ROCK1: variants seen among roughly 807,000 people sequenced by gnomAD.
ROCK1 encodes the protein rho-associated protein kinase 1.
Under a neutral mutation model 196.8 loss-of-function variants are expected in ROCK1, and 36 were observed. The ratio of observed to expected loss-of-function variants is 0.18; its 90% CI spans 0.14 to 0.24. The LOEUF (loss-of-function observed/expected upper bound fraction) is 0.24. Ranked by LOEUF, ROCK1 falls within the 10% of genes least tolerant of loss-of-function variation. ROCK1 has a pLI of 1.00. For synonymous variants in ROCK1, 443 were observed against 515.9 expected (o/e 0.86, Z 1.91); for missense variants, 920 against 1,562.0 (o/e 0.59, Z 6.93).
Position 20,966,918 on chromosome 18 carries a change from TG to T in ROCK1, c.3350del (p.Pro1117GlnfsTer29), listed in dbSNP as rs2143353413. On this transcript the variant is annotated frameshift_variant and splice_region_variant, in exon 27 of 33. Coordinates refer to ENST00000399799, the MANE Select transcript of ROCK1 (RefSeq NM_005406.3). LOFTEE classifies it high-confidence loss of function. ...PSADETDGNL[P>X]ESRIEGWLSV... ...TGAATGATACAGAATTATTCTTACC[TG>T]GGAGGTTACCATCAGTTTCATCAGC... 6.2e-7 allele frequency: 1 copy of T among 1,607,630 alleles called. No homozygotes were observed. The highest frequency in any genetic ancestry group is 8.5e-7 in the Non-Finnish European group (1 of 1,175,152).
chr18:21,087,529 T>C (rs935198459), intron 1 of ROCK1, among the ~76,000 whole-genome samples: 6 of 152,068 alleles, frequency 3.9e-5, no homozygotes, highest in African/African-American at 7.2e-5. Flanking sequence ...TGTGGCTATA[T>C]TAGTGTCAGA....
chr18:21,061,467 A>G (rs1319996591), intron 2 of ROCK1, among the ~76,000 whole-genome samples: 2 of 152,246 alleles, frequency 1.3e-5, no homozygotes, highest in Non-Finnish European at 2.9e-5. Context: ...TGGAAAAGGT[A>G]AAACTATAGG....
chr18:21,012,711 G>A lies in ROCK1; in HGVS notation c.1410+2720C>T, dbSNP rs548911576. On this transcript the variant is annotated intron_variant, in intron 13 of 32. Coordinates refer to ENST00000399799, the MANE Select transcript of ROCK1 (RefSeq NM_005406.3). ...TGTCAAATTTGTTGAATTTTCTGTC[G>A]TCATTTCTTCCCACGCCCTTTCTCC... 4.6e-5 allele frequency among the ~76,000 whole-genome samples: 7 copies of A among 152,170 alleles called. No homozygotes were observed. In the South Asian group the frequency reaches 6.2e-4, roughly 14 times the overall value.
At chr18:21,061,012 A>T (rs2036285195) in intron 2 of ROCK1, among the ~76,000 whole-genome samples, 1 of 152,040 alleles carries the variant, frequency 6.6e-6, no homozygotes, top group Non-Finnish European at 1.5e-5. Context: ...TCTGCAATTT[A>T]GGGGAAAAAA....
At chr18:21,023,549 T>A in intron 11 of ROCK1, 71 bp downstream of exon 11, 1 of 802,354 alleles carries the variant, frequency 1.2e-6, no homozygotes, top group South Asian at 2.1e-5. Flanking sequence ...AAATTTACTA[T>A]CATACCCACA....
intron 12 of ROCK1, among the ~76,000 whole-genome samples, chr18:21,017,128 GTATTCCTGA>G (rs1253336208): frequency 2.0e-5 from 3 of 147,812 alleles, no homozygotes; most frequent in African/African-American, 7.5e-5. Context: ...ATCTCCTGAT[GTATTCCTGA>G]TATTCCTGTA....
At chr18:21,050,962 A>G (rs537655561) in intron 2 of ROCK1, among the ~76,000 whole-genome samples, 1 of 152,210 alleles carries the variant, frequency 6.6e-6, no homozygotes, top group African/African-American at 2.4e-5. Flanking sequence ...AAACTCTAGC[A>G]AATAAAACAG....
chr18:20,957,876 G>C (rs1205546217), intron 29 of ROCK1, among the ~76,000 whole-genome samples: 2 of 151,626 alleles, frequency 1.3e-5, no homozygotes, highest in African/African-American at 4.8e-5. Flanking sequence ...GTCTCAAATT[G>C]AACTCAGGCC....
At chr18:21,010,127 G>T (rs1346682994) in intron 13 of ROCK1, among the ~76,000 whole-genome samples, 1 of 151,920 alleles carries the variant, frequency 6.6e-6, no homozygotes, top group Non-Finnish European at 1.5e-5. Flanking sequence ...TGTTAATTTT[G>T]TTGATCTTTT....
chr18:21,095,441 GATATGGAAGCAACCTA>G (rs2036605384), intron 1 of ROCK1, among the ~76,000 whole-genome samples: 1 of 152,016 alleles, frequency 6.6e-6, no homozygotes, highest in African/African-American at 2.4e-5. Flanking sequence ...CAACACCCAA[GATATGGAAGCAACCTA>G]AGTGTCCATG....
At chr18:21,065,231 T>C (rs996196433) in intron 2 of ROCK1, among the ~76,000 whole-genome samples, 4 of 152,218 alleles carry the variant, frequency 2.6e-5, no homozygotes, top group Admixed American at 6.5e-5. Flanking sequence ...TTCTCAGTAA[T>C]TGTACTAGTG....
At position 21,033,976 on chromosome 18, in the gene ROCK1, G is replaced by A. The variant is rs148942711; in HGVS notation, c.1052-5041C>T. Among the ~76,000 whole-genome samples the A allele has an allele frequency of 2.4e-3, 343 of 145,848 alleles. 2 individuals are homozygous for A. The highest frequency in any genetic ancestry group is 8.3e-3 in the African/African-American group (326 of 39,312). On this transcript the variant is annotated intron_variant, in intron 9 of 32. Coordinates refer to ENST00000399799, the MANE Select transcript of ROCK1 (RefSeq NM_005406.3). ...ATGAACCCTGGAGGCGGAGCTTGCC[G>A]TGAGCCGAGATCGAGCCACTGTACT...
intron 2 of ROCK1, among the ~76,000 whole-genome samples, chr18:21,067,525 T>G (rs553752213): frequency 5.9e-5 from 9 of 152,050 alleles, no homozygotes; most frequent in Non-Finnish European, 4.4e-5. Context: ...GTAGCTGGGA[T>G]TACAGGTGTC....
chr18:21,051,482 T>C (rs1016163432), intron 2 of ROCK1, among the ~76,000 whole-genome samples: 18 of 151,900 alleles, frequency 1.2e-4, no homozygotes, highest in Admixed American at 7.9e-4. Context: ...GTGAACAATA[T>C]AAGCAGACAA....
chr18:21,019,898 A>T (rs76822516), intron 12 of ROCK1, among the ~76,000 whole-genome samples: 1 of 139,008 alleles, frequency 7.2e-6, no homozygotes. Flanking sequence ...TTCATGAATT[A>T]AAAAAAAAAA....
rs1214797226 is a variant in ROCK1, at chr18:21,049,377, AT to A, written c.277-149del. The A allele has an allele frequency of 9.2e-6, 6 of 654,274 alleles. No individual in the cohort carries two copies. The South Asian group carries it at 2.0e-4, about 21-fold the overall frequency. 40.5% of individuals were successfully genotyped at this position (654,274 alleles called of 1,614,324 possible). On this transcript the variant is annotated intron_variant, in intron 3 of 32. Transcript: ENST00000399799. ...ATTTTTATTTCTTCTCTTCTGCCAA[AT>A]TATTCCAAGTAGCTAATGTCAAGAC...
intron 27 of ROCK1, among the ~76,000 whole-genome samples, chr18:20,963,900 A>G (rs1201756192): frequency 3.3e-5 from 5 of 152,178 alleles, no homozygotes; most frequent in African/African-American, 9.6e-5. Flanking sequence ...AAGAACTTCA[A>G]AGAGTTATAA....
At chr18:21,051,047 A>G (rs997128726) in intron 2 of ROCK1, among the ~76,000 whole-genome samples, 1 of 152,232 alleles carries the variant, frequency 6.6e-6, no homozygotes. Flanking sequence ...GAGGACACCT[A>G]ACTAAAGCCT....
intron 2 of ROCK1, among the ~76,000 whole-genome samples, chr18:21,053,551 T>C (rs2036222275): frequency 6.6e-6 from 1 of 152,198 alleles, no homozygotes; most frequent in Admixed American, 6.5e-5. Flanking sequence ...AGGACAACAT[T>C]TGGGCTGGGC....
Sources: gnomAD v4.1 joint callset for allele counts (sites outside exome capture counted in the v4.1 genomes callset) on GRCh38, gnomAD v4.1.1 for gene constraint, MANE v1.5 for transcripts, NCBI Gene and HGNC (gene_info 2026-07-23, HGNC 2026-07-21) for gene names.